Variants in PARP10 observed in about 807,000 individuals in gnomAD.
PARP10 encodes the protein protein mono-ADP-ribosyltransferase PARP10.
In PARP10, 56 loss-of-function variants were observed where a neutral mutation model predicts 82.4. That is an observed-to-expected ratio of 0.68 (90% CI 0.55 to 0.85). The LOEUF (loss-of-function observed/expected upper bound fraction) is 0.85. PARP10 is among the 40% of genes least tolerant of loss of function. The probability of loss-of-function intolerance (pLI) is 0.00; values close to 1 mark genes in which losing one functional copy is unlikely to be tolerated. For missense variants in PARP10, 1,227 were observed against 1,379.4 expected, an observed-to-expected ratio of 0.89 and a Z score of 1.75; for synonymous variants, 576 against 601.1, an observed-to-expected ratio of 0.96 and a Z score of 0.61.
At chr8:144,006,457 G>A (rs938373103) in intron 1 of PARP10, among the ~76,000 whole-genome samples, 4 of 152,232 alleles carry the variant, frequency 2.6e-5, no homozygotes, top group Admixed American at 6.5e-5. Flanking sequence ...ACAGCTGAAG[G>A]GTGGGCACTG....
chr8:143,991,720 G>A (rs374875902), upstream of PARP10: 1 of 1,612,670 alleles, frequency 6.2e-7, no homozygotes, highest in African/African-American at 1.3e-5. Flanking sequence ...ACCAGGAGGA[G>A]GGTCCCCCAT....
upstream of PARP10, chr8:143,992,269 T>C: frequency 6.2e-7 from 1 of 1,600,580 alleles, no homozygotes; most frequent in Non-Finnish European, 8.5e-7. Context: ...CAGCCTGTCG[T>C]ACATGGTGGG....
chr8:143,977,650 ACGTGGCCAGGACCC>A lies in PARP10; in HGVS notation c.2898_2911del (p.Gly967AlafsTer152), dbSNP rs1564245005. On this transcript the variant is annotated frameshift_variant, in exon 11 of 11. Transcript: ENST00000313028. LOFTEE classifies it low-confidence loss of function (END_TRUNC). ...CACGGCGCTGTCGTAGCGCAGGAGCACGTGGCCAGGACCCCGCAGAGGGGGCGCCCGCAGACCGC... is the reference window on the plus strand; with the variant it reads ...CACGGCGCTGTCGTAGCGCAGGAGCACGCAGAGGGGGCGCCCGCAGACCGC... 1 of 1,594,364 alleles carries A rather than the reference ACGTGGCCAGGACCC, an allele frequency of 6.3e-7. No individual in the cohort carries two copies. The highest frequency in any genetic ancestry group is 8.5e-7 in the Non-Finnish European group (1 of 1,171,282).
intron 1 of PARP10, among the ~76,000 whole-genome samples, chr8:144,000,579 G>A (rs964692992): frequency 6.6e-6 from 1 of 152,082 alleles, no homozygotes. Flanking sequence ...GCAGTGAGCC[G>A]AGATCACGCC....
chr8:143,997,532 C>T (rs1564260073), intron 1 of PARP10, among the ~76,000 whole-genome samples: 1 of 152,154 alleles, frequency 6.6e-6, no homozygotes, highest in South Asian at 2.1e-4. Flanking sequence ...CCATGATCAC[C>T]TCTATAGCAA....
chr8:143,984,324 C>T lies in PARP10; in HGVS notation c.1566G>A (p.Arg522=). Reference sequence around the variant, plus strand: ...GCTGCCCTTCTGGGCCCAGGAGAAACCTGGCGCTGCCCGGGTGCTCCAGGC... The same window carrying T: ...GCTGCCCTTCTGGGCCCAGGAGAAATCTGGCGCTGCCCGGGTGCTCCAGGC... ...VLCLEHPGSA[R]FLLGPEGQHL... Residue 522 remains arginine (R), a synonymous_variant, in exon 6 of 11, where the codon AGG becomes AGA. Transcript: ENST00000313028. 1 of 1,613,932 alleles carries T rather than the reference C, an allele frequency of 6.2e-7. No individual in the cohort carries two copies. The highest frequency in any genetic ancestry group is 8.5e-7 in the Non-Finnish European group (1 of 1,180,004).
At chr8:143,989,983 T>C (rs1554750169), upstream of PARP10, 1 of 149,972 alleles carries the variant, frequency 6.7e-6, no homozygotes, top group Admixed American at 6.6e-5. The surrounding 1 kb of genome is among the most constrained non-coding windows in gnomAD (Gnocchi z 4.3). Flanking sequence ...GCGGGAGGGG[T>C]CCGCGGAAGC....
Position 143,986,187 on chromosome 8 carries a change from C to T in PARP10, c.49G>A (p.Gly17Arg). ...AEAGVAVEVR[G>R]LPPAVPDELL... Reference sequence around the variant, plus strand: ...TCGTCGGGCACGGCAGGGGGCAGTCCACGGACCTCCACTGCCACCCCTGCC... The same window carrying T: ...TCGTCGGGCACGGCAGGGGGCAGTCTACGGACCTCCACTGCCACCCCTGCC... The change falls in exon 2 of 11, where the codon GGA becomes AGA. Residue 17 changes from glycine to arginine, a missense_variant. Gly to Arg is a moderately radical substitution (Grantham distance 125). Coordinates refer to ENST00000313028, the MANE Select transcript of PARP10 (RefSeq NM_032789.5). 6.2e-7 allele frequency: 1 copy of T among 1,613,724 alleles called. No individual in the cohort carries two copies. The highest frequency in any genetic ancestry group is 8.5e-7 in the Non-Finnish European group (1 of 1,179,908).
intron 9 of PARP10, among the ~76,000 whole-genome samples, 190 bp downstream of exon 9, chr8:143,982,742 C>T (rs1015908728): frequency 7.9e-5 from 12 of 152,238 alleles, no homozygotes; most frequent in African/African-American, 2.9e-4. Flanking sequence ...AAGGCCCCCA[C>T]TCTGTTCCCT....
chr8:143,984,891 G>C lies in PARP10; in HGVS notation c.1111C>G (p.Gln371Glu). The C allele has an allele frequency of 3.1e-6, 5 of 1,613,764 alleles. No individual in the cohort carries two copies. Among genetic ancestry groups the C allele is most frequent in the Non-Finnish European group, 4.2e-6 (5 of 1,179,922 alleles). Residue 371 changes from glutamine to glutamate, a missense_variant, in exon 5 of 11, where the codon CAG becomes GAG. Transcript: ENST00000313028. ...AGGCTCATGGGCCCCTCCTGTTCCT[G>C]CAACCCCACAGGCCTCAGGCTTACC... is the stretch of plus-strand genomic sequence containing the variant. ...GLVSLRPVGLQEQEGPMSLGP... is the reference protein window; with the variant it reads ...GLVSLRPVGLEEQEGPMSLGP...
In PARP10 at chr8:144,008,843, T is replaced by C. The variant is rs1554752234; in HGVS notation, c.-80+3687A>G. On this transcript the variant is annotated intron_variant, in intron 1 of 3. Transcript: ENST00000530478. The surrounding 1 kb of genome is among the most constrained non-coding windows in gnomAD (Gnocchi z 4.0). ...AACAGACTTGGATACCAAAGGACACTTTGTATATAAAACATAACAAAAAGA... is the reference window on the plus strand; with the variant it reads ...AACAGACTTGGATACCAAAGGACACCTTGTATATAAAACATAACAAAAAGA... 6.6e-6 allele frequency among the ~76,000 whole-genome samples: 1 copy of C among 152,188 alleles called. No homozygotes were observed. The highest frequency in any genetic ancestry group is 2.4e-5 in the African/African-American group (1 of 41,430).
chr8:143,979,858 A>C (rs1833804823), intron 9 of PARP10, among the ~76,000 whole-genome samples: 1 of 151,252 alleles, frequency 6.6e-6, no homozygotes, highest in Non-Finnish European at 1.5e-5. Context: ...TTAAAAATAC[A>C]AAATTTAGCC....
chr8:143,980,210 C>G lies in PARP10; in HGVS notation c.2557-2129G>C, dbSNP rs141821590. Among the ~76,000 whole-genome samples the G allele has an allele frequency of 2.4e-3, 356 of 149,682 alleles. 1 individual carries two copies. The highest frequency in any genetic ancestry group is 8.3e-3 in the African/African-American group (337 of 40,752). ...TGGCAGGCGCCTGTAGTCCCAGCTA[C>G]TCAGGAGGCTGAGGCAGGAGAATGG... On this transcript the variant is annotated intron_variant, in intron 9 of 10. Transcript: ENST00000313028.
Position 143,983,569 on chromosome 8 carries a change from C to T in PARP10, c.2020G>A (p.Glu674Lys). 1 of 1,606,262 alleles carries T rather than the reference C, an allele frequency of 6.2e-7. No individual in the cohort carries two copies. The highest frequency in any genetic ancestry group is 1.1e-5 in the South Asian group (1 of 89,770). ...LEPQGQVAEQ[E>K]EAAALRQALT... The stretch of plus-strand genomic sequence containing the variant: ...GCTTGCCGCAGGGCAGCAGCCTCCT[C>T]CTGCTCAGCCACCTGACCTTGAGGC... The change falls in exon 8 of 11, where the codon GAG becomes AAG. Residue 674 changes from glutamate to lysine, a missense_variant. By Grantham distance (56) the Glu-to-Lys change is moderately conservative. Coordinates refer to ENST00000313028, the MANE Select transcript of PARP10 (RefSeq NM_032789.5).
chr8:143,994,191 C>G (rs1834143983), upstream of PARP10, among the ~76,000 whole-genome samples: 1 of 152,250 alleles, frequency 6.6e-6, no homozygotes, highest in Admixed American at 6.5e-5. Context: ...ACTGCCCAGT[C>G]AGTCCCCTTA....
chr8:143,984,035 C>T lies in PARP10; in HGVS notation c.1750G>A (p.Gly584Ser). Residue 584 changes from glycine (G) to serine (S), a missense_variant, in exon 7 of 11, where the codon GGT becomes AGT. Transcript: ENST00000313028. ...AGGCTCACGTCCTCCTGGTCACCAC[C>T]TGTACTGTCTGGGGTCCACAGGGTG... ...AHTLWTPDST[G>S]GDQEDVSLEE... 6.5e-7 allele frequency: 1 copy of T among 1,531,610 alleles called. No homozygotes were observed. Among genetic ancestry groups the T allele is most frequent in the Non-Finnish European group, 8.8e-7 (1 of 1,141,190 alleles). The allele number at this position is 1,531,610 out of a possible 1,614,324, so 94.9% of individuals were successfully genotyped here.
intron 9 of PARP10, among the ~76,000 whole-genome samples, chr8:143,981,065 A>C (rs1487432223): frequency 6.6e-6 from 1 of 151,578 alleles, no homozygotes; most frequent in East Asian, 1.9e-4. Flanking sequence ...AAAAAAATTC[A>C]AGCATACCAT....
In PARP10 at chr8:143,984,238, G is replaced by C. The variant is rs1554748566; in HGVS notation, c.1652C>G (p.Thr551Arg). The stretch of plus-strand genomic sequence containing the variant: ...TTCAAGGCCTGTGTCCAACGTGGCT[G>C]TGGCCAGGCGCTCTGTCCCAAAGAC... ...QCVFGTERLA[T>R]ATLDTGLEEV... Residue 551 changes from threonine to arginine, a missense_variant, in exon 6 of 11, where the codon ACA (threonine) becomes AGA (arginine). Physicochemically the swap from Thr to Arg is moderately conservative, Grantham distance 71 (BLOSUM62 -1). Transcript: ENST00000313028. The C allele has an allele frequency of 6.2e-7, 1 of 1,613,926 alleles. No homozygotes were observed. Among genetic ancestry groups the C allele is most frequent in the Non-Finnish European group, 8.5e-7 (1 of 1,179,868 alleles).
chr8:143,977,528 G>T lies in PARP10; in HGVS notation c.3034C>A (p.Pro1012Thr). 6.4e-7 allele frequency: 1 copy of T among 1,561,110 alleles called. No individual in the cohort carries two copies. Among genetic ancestry groups the T allele is most frequent in the East Asian group, 2.4e-5 (1 of 41,856 alleles). ...ITCEHVPRAS[P>T]DDPSGLPGRS... is the part of the protein sequence containing the mutation. The stretch of plus-strand genomic sequence containing the variant: ...CCCGGGAGCCCAGAGGGGTCGTCGG[G>T]GGAAGCGCGGGGCACGTGCTCGCAG... Residue 1012 changes from proline to threonine, a missense_variant, in exon 11 of 11, where the codon CCC becomes ACC. By Grantham distance (38) the Pro-to-Thr change is conservative. Transcript: ENST00000313028.
Sources: allele counts gnomAD v4.1 joint callset (sites outside exome capture counted in the v4.1 genomes callset), GRCh38; gene constraint gnomAD v4.1.1; non-coding constraint Gnocchi (gnomAD v3.1); transcripts MANE v1.5; gene names NCBI Gene and HGNC (gene_info 2026-07-23, HGNC 2026-07-21).